The following C10orf67 variants were observed in gnomAD, a reference collection of about 807,000 sequenced individuals.
C10orf67 encodes chromosome 10 open reading frame 67.
Under a neutral mutation model 35.6 loss-of-function variants are expected in C10orf67, and 60 were observed. That is an observed-to-expected ratio of 1.68 (90% CI 1.37 to 2.09). The LOEUF is 2.09. Among genes scored for constraint, C10orf67 ranks in the 30% most tolerant of loss-of-function variants. C10orf67 has a pLI of 0.00. For missense variants in C10orf67, 474 were observed against 330.2 expected, an observed-to-expected ratio of 1.44 and a Z score of -3.38; for synonymous variants, 167 against 115.8, an observed-to-expected ratio of 1.44 and a Z score of -2.84.
chr10:23,302,328 C>T (rs987370300), intron 5 of C10orf67, among the ~76,000 whole-genome samples: 1 of 151,902 alleles, frequency 6.6e-6, no homozygotes, highest in Non-Finnish European at 1.5e-5. Context: ...GGATAAAGCT[C>T]CCCCTCTGTA....
At chr10:23,341,626 T>G (rs1214781143) in intron 1 of C10orf67, among the ~76,000 whole-genome samples, 1 of 152,176 alleles carries the variant, frequency 6.6e-6, no homozygotes, top group Non-Finnish European at 1.5e-5. Context: ...CTTAAGGTAG[T>G]CTAAAGTCCC....
chr10:23,256,956 T>C (rs1367340713), intron 10 of C10orf67, among the ~76,000 whole-genome samples: 1 of 152,180 alleles, frequency 6.6e-6, no homozygotes, highest in Non-Finnish European at 1.5e-5. Context: ...CATTTATTTC[T>C]CCCAGGCCAC....
intron 15 of C10orf67, among the ~76,000 whole-genome samples, chr10:23,219,166 T>A (rs1841510277): frequency 6.6e-6 from 1 of 152,194 alleles, no homozygotes; most frequent in Non-Finnish European, 1.5e-5. Context: ...TTTAAAAACC[T>A]TTTCAGATCA....
intron 5 of C10orf67, among the ~76,000 whole-genome samples, chr10:23,300,112 C>T (rs1382792899): frequency 6.6e-6 from 1 of 152,150 alleles, no homozygotes; most frequent in Non-Finnish European, 1.5e-5. Context: ...CCCAGGCACC[C>T]TCAGTCCTGC....
At chr10:23,273,722 TA>T (rs1294131347) in intron 8 of C10orf67, among the ~76,000 whole-genome samples, 1 of 152,164 alleles carries the variant, frequency 6.6e-6, no homozygotes, top group Non-Finnish European at 1.5e-5. Context: ...CATAGAGCAA[TA>T]GCTGGTCCAC....
At chr10:23,261,622 A>AT (rs1842752920) in intron 10 of C10orf67, among the ~76,000 whole-genome samples, 1 of 152,138 alleles carries the variant, frequency 6.6e-6, no homozygotes. Flanking sequence ...TGTTTTAAAG[A>AT]TTTTTTTAAA....
chr10:23,310,422 A>G (rs1325195806), intron 4 of C10orf67, among the ~76,000 whole-genome samples: 2 of 152,344 alleles, frequency 1.3e-5, no homozygotes, highest in East Asian at 1.9e-4. Context: ...TATCTGGTGC[A>G]GAGGAGAGGG....
At chr10:23,306,549 AAAG>A (rs1174160558) in intron 4 of C10orf67, among the ~76,000 whole-genome samples, 1 of 150,958 alleles carries the variant, frequency 6.6e-6, no homozygotes, top group Non-Finnish European at 1.5e-5. Flanking sequence ...AAAAAAAAAA[AAAG>A]AATGGTGGTT....
intron 13 of C10orf67, among the ~76,000 whole-genome samples, chr10:23,231,161 A>G (rs1312286952): frequency 6.6e-6 from 1 of 151,950 alleles, no homozygotes; most frequent in Admixed American, 6.6e-5. Flanking sequence ...TTTGTTGCCC[A>G]GGCTGGTCTC....
intron 10 of C10orf67, among the ~76,000 whole-genome samples, chr10:23,258,994 G>A (rs947532810): frequency 6.6e-6 from 1 of 152,162 alleles, no homozygotes; most frequent in African/African-American, 2.4e-5. Context: ...AAATATCTAA[G>A]TATCTTATCT....
At position 23,246,635 on chromosome 10, in the gene C10orf67, G is replaced by A. The variant is rs116966405; in HGVS notation, c.1346+3820C>T. Among the ~76,000 whole-genome samples, 460 of 152,244 alleles carry A rather than the reference G, an allele frequency of 3.0e-3. 14 individuals carry two copies. In the East Asian group the frequency reaches 0.05, roughly 17 times the overall value. On this transcript the variant is annotated intron_variant, in intron 12 of 15. Transcript: ENST00000636213. ...AAAGATGGACTGCATATACAATGGT[G>A]GTCCCATAAGATTATAATGGAGCTG... is the stretch of plus-strand genomic sequence containing the variant.
chr10:23,335,907 G>A (rs577480821), intron 1 of C10orf67, among the ~76,000 whole-genome samples: 105 of 152,260 alleles, frequency 6.9e-4, no homozygotes, highest in Middle Eastern at 3.4e-3. Context: ...TCTCCCCACA[G>A]TTGTACCTAT....
chr10:23,229,224 G>C (rs546434895), intron 13 of C10orf67, among the ~76,000 whole-genome samples: 2,076 of 151,908 alleles, frequency 0.014, 22 homozygotes, highest in Non-Finnish European at 0.021. Context: ...GAAAATGTGG[G>C]ACATATACAC....
At chr10:23,231,167 G>T (rs900750575) in intron 13 of C10orf67, among the ~76,000 whole-genome samples, 3 of 152,010 alleles carry the variant, frequency 2.0e-5, no homozygotes, top group Non-Finnish European at 4.4e-5. Flanking sequence ...GCCCAGGCTG[G>T]TCTCAAACTC....
chr10:23,288,845 G>C (rs1843626317), intron 7 of C10orf67, among the ~76,000 whole-genome samples: 2 of 152,136 alleles, frequency 1.3e-5, no homozygotes, highest in Non-Finnish European at 2.9e-5. Flanking sequence ...ATGTGAATCT[G>C]CTTGTTTATC....
rs1319112928 is a variant in C10orf67, at chr10:23,223,831, A to G, written c.1435-13T>C. On this transcript the variant is annotated splice_polypyrimidine_tract_variant and intron_variant, in intron 13 of 15. Transcript: ENST00000636213. ...AGGGTTTTACTTTCTGAAAGACACA[A>G]AAGATATGTACTGTGTTATCAGGAG... 1 of 715,040 alleles carries G rather than the reference A, an allele frequency of 1.4e-6. No individual in the cohort carries two copies. The highest frequency in any genetic ancestry group is 2.6e-6 in the Non-Finnish European group (1 of 384,826). The allele number at this position is 715,040 out of a possible 1,614,324, so 44.3% of individuals were successfully genotyped here. A position where few individuals can be genotyped will look rare whatever the true frequency, so the allele number is the denominator to read the frequency against.
intron 5 of C10orf67, among the ~76,000 whole-genome samples, chr10:23,292,582 TTAAGGA>T (rs1292261054): frequency 2.0e-5 from 3 of 152,130 alleles, no homozygotes; most frequent in African/African-American, 7.2e-5. Flanking sequence ...TCATTTAAGG[TTAAGGA>T]TATGTGGAAG....
intron 15 of C10orf67, among the ~76,000 whole-genome samples, chr10:23,218,512 C>A (rs1469030650): frequency 6.6e-6 from 1 of 151,936 alleles, no homozygotes; most frequent in Non-Finnish European, 1.5e-5. Context: ...GAAAATATCT[C>A]TAAATAAATG....
At position 23,320,846 on chromosome 10, in the gene C10orf67, A is replaced by G. The variant is rs369549102; in HGVS notation, c.472-31T>C. On this transcript the variant is annotated intron_variant, in intron 3 of 15. Transcript: ENST00000636213. ...AACAAAAATAAATGCAATAAGCACC[A>G]TAATGTATTTCCAAATATGACCCAC... is the stretch of plus-strand genomic sequence containing the variant. 94 of 1,458,444 alleles carry G rather than the reference A, an allele frequency of 6.4e-5. No homozygotes were observed. In the African/African-American group the frequency reaches 1.1e-3, roughly 17 times the overall value. 90.3% of individuals were successfully genotyped at this position (1,458,444 alleles called of 1,614,324 possible). A position where few individuals can be genotyped will look rare whatever the true frequency, so the allele number is the denominator to read the frequency against.
Sources: gnomAD v4.1 joint callset for allele counts (sites outside exome capture counted in the v4.1 genomes callset) on GRCh38, gnomAD v4.1.1 for gene constraint, MANE v1.5 for transcripts, NCBI Gene and HGNC (gene_info 2026-07-23, HGNC 2026-07-21) for gene names.